Variants in CNOT10 observed in about 807,000 individuals in gnomAD.
CNOT10 encodes CCR4-NOT transcription complex subunit 10.
CNOT10 carries 30 observed loss-of-function variants against 94.6 expected under a neutral mutation model. That is an observed-to-expected ratio of 0.32 (90% CI 0.24 to 0.43). The LOEUF is 0.43. Ranked by LOEUF, CNOT10 falls within the 20% of genes least tolerant of loss-of-function variation. The probability of loss-of-function intolerance (pLI) is 1.00; values close to 1 mark genes in which losing one functional copy is unlikely to be tolerated. For missense variants in CNOT10, 759 were observed against 877.2 expected (o/e 0.87, Z 1.70); for synonymous variants, 289 against 301.6 (o/e 0.96, Z 0.43).
intron 17 of CNOT10, among the ~76,000 whole-genome samples, chr3:32,767,627 A>G (rs770279032): frequency 2.6e-5 from 4 of 151,816 alleles, no homozygotes; most frequent in African/African-American, 4.8e-5. Flanking sequence ...AAAAATAACT[A>G]CAAATTCTAT....
intron 17 of CNOT10, chr3:32,769,612 T>G (rs1208061458): frequency 5.4e-6 from 2 of 370,346 alleles, no homozygotes; most frequent in Non-Finnish European, 1.0e-5. Context: ...TATGTGTCTG[T>G]TGTGAAAGCC....
At chr3:32,735,369 T>C (rs73059854) in intron 12 of CNOT10, among the ~76,000 whole-genome samples, 6,308 of 150,318 alleles carry the variant, frequency 0.042, 189 homozygotes, top group Middle Eastern at 0.076. Context: ...CAGCTTTTCA[T>C]TGACAAGAGG....
At chr3:32,741,613 C>G (rs1026645154) in intron 13 of CNOT10, among the ~76,000 whole-genome samples, 4 of 151,800 alleles carry the variant, frequency 2.6e-5, no homozygotes, top group African/African-American at 9.7e-5. Context: ...ACTAAAAATA[C>G]AAAAAATTAG....
intron 8 of CNOT10, among the ~76,000 whole-genome samples, chr3:32,721,067 T>G (rs1238020897): frequency 7.2e-6 from 1 of 139,632 alleles, no homozygotes; most frequent in Non-Finnish European, 1.6e-5. Context: ...TTTCTTTTTT[T>G]TTTTTTTTTT....
chr3:32,739,880 G>A (rs903646636), intron 13 of CNOT10, among the ~76,000 whole-genome samples: 7 of 152,006 alleles, frequency 4.6e-5, no homozygotes, highest in African/African-American at 1.2e-4. Flanking sequence ...AGCCAAGACC[G>A]CGCCGTTGCA....
intron 13 of CNOT10, among the ~76,000 whole-genome samples, chr3:32,738,308 G>A (rs1041542875): frequency 7.2e-5 from 11 of 152,106 alleles, no homozygotes; most frequent in African/African-American, 2.7e-4. Flanking sequence ...ACCTGCACAT[G>A]TAGCCCTGAA....
At chr3:32,757,110 G>GA (rs1167248770) in intron 13 of CNOT10, among the ~76,000 whole-genome samples, 3,199 of 50,940 alleles carry the variant, frequency 0.063, 92 homozygotes, top group African/African-American at 0.13. Flanking sequence ...CGTCTCAAAA[G>GA]AAAAAAAAAA....
intron 9 of CNOT10, among the ~76,000 whole-genome samples, chr3:32,726,307 C>G (rs1238195041): frequency 2.0e-5 from 3 of 152,144 alleles, no homozygotes; most frequent in Non-Finnish European, 2.9e-5. Context: ...GGTCTTTAAG[C>G]AAATTCCTGA....
chr3:32,741,473 T>A (rs1699457790), intron 13 of CNOT10, among the ~76,000 whole-genome samples: 1 of 151,972 alleles, frequency 6.6e-6, no homozygotes, highest in Admixed American at 6.6e-5. Flanking sequence ...GTCTAATATT[T>A]TAAGAAACTG....
chr3:32,692,608 A>G (rs774197032), intron 1 of CNOT10, among the ~76,000 whole-genome samples: 25 of 152,298 alleles, frequency 1.6e-4, no homozygotes, highest in Middle Eastern at 3.4e-3. Context: ...GTTAGAGGTA[A>G]TTTATGGAGT....
At chr3:32,701,058 G>C (rs539960671) in intron 1 of CNOT10, among the ~76,000 whole-genome samples, 1 of 152,072 alleles carries the variant, frequency 6.6e-6, no homozygotes, top group East Asian at 1.9e-4. Flanking sequence ...CAGTCACCTG[G>C]GAGGTCAGAA....
chr3:32,742,801 C>T (rs1352470449), intron 13 of CNOT10, among the ~76,000 whole-genome samples: 1 of 152,146 alleles, frequency 6.6e-6, no homozygotes, highest in Non-Finnish European at 1.5e-5. Context: ...TGGATATGAT[C>T]TAATTTATCT....
chr3:32,740,794 G>A (rs1452265098), intron 13 of CNOT10, among the ~76,000 whole-genome samples: 3 of 151,752 alleles, frequency 2.0e-5, no homozygotes, highest in Admixed American at 6.6e-5. Context: ...CCTGGGAGAC[G>A]GAGCTTGCAA....
chr3:32,753,213 C>CAG, intron 13 of CNOT10: 1 of 706,266 alleles, frequency 1.4e-6, no homozygotes, highest in Non-Finnish European at 2.6e-6. Flanking sequence ...GAAATTTTTA[C>CAG]AGAAGGACAA....
At chr3:32,718,549 A>G (rs1402483958) in intron 7 of CNOT10, among the ~76,000 whole-genome samples, 2 of 129,330 alleles carry the variant, frequency 1.5e-5, no homozygotes, top group East Asian at 4.7e-4. Flanking sequence ...GCGCCACTGC[A>G]CTCCAGCCTG....
intron 14 of CNOT10, among the ~76,000 whole-genome samples, chr3:32,761,255 T>C (rs1442761995): frequency 6.6e-6 from 1 of 152,196 alleles, no homozygotes; most frequent in African/African-American, 2.4e-5. Flanking sequence ...AAGATCCTAA[T>C]TTTCAGTTCA....
chr3:32,762,755 G>A lies in CNOT10; in HGVS notation c.1732G>A (p.Ala578Thr). Residue 578 changes from alanine to threonine, a missense_variant, in exon 15 of 19, where the codon GCA (alanine) becomes ACA (threonine). Around this residue, in one of 3 missense-constraint regions of CNOT10, gnomAD observed 682 missense variants for 799.4 expected, o/e 0.85. Coordinates refer to ENST00000328834, the MANE Select transcript of CNOT10 (RefSeq NM_015442.3). Reference sequence around the variant, plus strand: ...TAGGTTTTTGGGACATTTATATGCTGCAGAAGCCCTCATCTCTCTCGACAG... The same window carrying A: ...TAGGTTTTTGGGACATTTATATGCTACAGAAGCCCTCATCTCTCTCGACAG... ...SLKFLGHLYAAEALISLDRIS... is the reference protein window; with the variant it reads ...SLKFLGHLYATEALISLDRIS... The A allele has an allele frequency of 6.3e-7, 1 of 1,590,342 alleles. No homozygotes were observed. The highest frequency in any genetic ancestry group is 8.5e-7 in the Non-Finnish European group (1 of 1,174,192).
At chr3:32,685,533 G>C in intron 1 of CNOT10, 51 bp downstream of exon 1, 38 of 1,547,514 alleles carry the variant, frequency 2.5e-5, no homozygotes, top group Non-Finnish European at 3.2e-5. Flanking sequence ...GCGGGGCCGG[G>C]CGGACCCTGA....
chr3:32,700,462 TTGTC>T (rs1460391360), intron 1 of CNOT10, among the ~76,000 whole-genome samples: 1 of 152,216 alleles, frequency 6.6e-6, no homozygotes, highest in Non-Finnish European at 1.5e-5. Flanking sequence ...ATTCTAAAAA[TTGTC>T]TGTACGTCAC....
Sources: gnomAD v4.1 joint callset for allele counts (sites outside exome capture counted in the v4.1 genomes callset) on GRCh38, gnomAD v4.1.1 for gene constraint, gnomAD v4.1.1 regional missense constraint, MANE v1.5 for transcripts, NCBI Gene and HGNC (gene_info 2026-07-23, HGNC 2026-07-21) for gene names.